The following PDZRN4 variants were observed in gnomAD, a reference collection of about 807,000 sequenced individuals.
PDZRN4 encodes PDZ domain containing ring finger 4.
PDZRN4 carries 70 observed loss-of-function variants against 99.0 expected under a neutral mutation model. That is an observed-to-expected ratio of 0.71 (90% confidence interval 0.58 to 0.86). PDZRN4 has a LOEUF of 0.86. PDZRN4 is among the 40% of genes least tolerant of loss of function. PDZRN4 has a pLI of 0.00. For synonymous variants in PDZRN4, 551 were observed against 501.6 expected (o/e 1.10, Z -1.32); for missense variants, 1,474 against 1,331.2 (o/e 1.11, Z -1.67).
At chr12:41,364,944 A>T (rs1404708990) in intron 3 of PDZRN4, among the ~76,000 whole-genome samples, 1 of 152,072 alleles carries the variant, frequency 6.6e-6, no homozygotes, top group Admixed American at 6.6e-5. Context: ...GGATGTTAAC[A>T]TGCATTTTCT....
chr12:41,409,605 T>G (rs1952378348), intron 3 of PDZRN4: 1 of 152,232 alleles, frequency 6.6e-6, no homozygotes, highest in Admixed American at 6.5e-5. Flanking sequence ...GAAAGTCTTC[T>G]TTGTATTCTC....
intron 3 of PDZRN4, among the ~76,000 whole-genome samples, chr12:41,223,967 C>A (rs1236838383): frequency 6.6e-6 from 1 of 152,222 alleles, no homozygotes; most frequent in Non-Finnish European, 1.5e-5. Flanking sequence ...CTAAAGAGGC[C>A]TCTGACCAGA....
At chr12:41,470,646 T>C (rs1275410534) in intron 3 of PDZRN4, among the ~76,000 whole-genome samples, 2 of 152,126 alleles carry the variant, frequency 1.3e-5, no homozygotes, top group Non-Finnish European at 2.9e-5. Context: ...TGCTATCTCT[T>C]CCCCCTCCCG....
intron 5 of PDZRN4, among the ~76,000 whole-genome samples, chr12:41,512,081 C>A (rs1231229420): frequency 6.6e-6 from 1 of 152,042 alleles, no homozygotes; most frequent in East Asian, 1.9e-4. Flanking sequence ...GACTTCAGCT[C>A]AGAAAGAGAT....
chr12:41,532,399 C>T (rs1175176184), intron 5 of PDZRN4, among the ~76,000 whole-genome samples: 1 of 152,078 alleles, frequency 6.6e-6, no homozygotes, highest in Non-Finnish European at 1.5e-5. Flanking sequence ...TATTCTTTGT[C>T]GTTTGGTAGT....
At chr12:41,484,571 A>ATTTAACAC (rs1188807246) in intron 3 of PDZRN4, among the ~76,000 whole-genome samples, 3 of 152,222 alleles carry the variant, frequency 2.0e-5, no homozygotes, top group African/African-American at 4.8e-5. Context: ...CATACAGGAT[A>ATTTAACAC]TTTAACACTT....
rs561583831 is a variant in PDZRN4, at chr12:41,391,433, C to T, written c.844-115023C>T. Among the ~76,000 whole-genome samples the T allele has an allele frequency of 9.5e-4, 144 of 152,272 alleles. 1 individual carries two copies. The highest frequency in any genetic ancestry group is 1.7e-3 in the Non-Finnish European group (119 of 68,024). On this transcript the variant is annotated intron_variant, in intron 3 of 9. Coordinates refer to ENST00000402685, the MANE Select transcript of PDZRN4 (RefSeq NM_001164595.2). ...CAATCTTAACAAGTCCTGCTCTCTC[C>T]AAGCTCACCGTATAACCAACACATG... is the stretch of plus-strand genomic sequence containing the variant.
chr12:41,551,753 A>G (rs1430454980), intron 5 of PDZRN4, among the ~76,000 whole-genome samples: 1 of 152,174 alleles, frequency 6.6e-6, no homozygotes, highest in East Asian at 1.9e-4. Flanking sequence ...TATATTCTAC[A>G]TCCAATAGGA....
chr12:41,226,119 G>A (rs1219483975), intron 3 of PDZRN4, among the ~76,000 whole-genome samples: 2 of 151,844 alleles, frequency 1.3e-5, no homozygotes, highest in Non-Finnish European at 2.9e-5. Flanking sequence ...AAATTGCCTG[G>A]AGAATGATGT....
intron 3 of PDZRN4, among the ~76,000 whole-genome samples, chr12:41,424,595 A>G (rs1181442621): frequency 6.6e-6 from 1 of 152,204 alleles, no homozygotes; most frequent in Non-Finnish European, 1.5e-5. Flanking sequence ...TATTTGCTTA[A>G]TACATGAACT....
chr12:41,314,715 G>A (rs1434233207), intron 3 of PDZRN4, among the ~76,000 whole-genome samples: 3 of 151,864 alleles, frequency 2.0e-5, no homozygotes, highest in Admixed American at 2.0e-4. Context: ...GGTTTTTCTT[G>A]TTTTGGTTAT....
At chr12:41,276,879 C>A (rs1283641608) in intron 3 of PDZRN4, among the ~76,000 whole-genome samples, 2 of 152,060 alleles carry the variant, frequency 1.3e-5, no homozygotes, top group Non-Finnish European at 2.9e-5. Context: ...CAGTATTTAC[C>A]ATTCTTAGAG....
chr12:41,239,609 C>T (rs137888801), intron 3 of PDZRN4, among the ~76,000 whole-genome samples: 2 of 152,100 alleles, frequency 1.3e-5, no homozygotes. Context: ...TGAGTACTAC[C>T]AGGTAAAAGG....
chr12:41,554,415 T>C (rs1479847622), intron 6 of PDZRN4, among the ~76,000 whole-genome samples: 1 of 152,182 alleles, frequency 6.6e-6, no homozygotes, highest in African/African-American at 2.4e-5. Flanking sequence ...TTGGAAGGAA[T>C]GTTTTCCTTT....
At chr12:41,190,500 CAA>C (rs1471163396) in intron 1 of PDZRN4, among the ~76,000 whole-genome samples, 1 of 152,162 alleles carries the variant, frequency 6.6e-6, no homozygotes, top group Non-Finnish European at 1.5e-5. Context: ...GTCCATGCAA[CAA>C]GTCAAGCTAT....
At chr12:41,207,012 ATACACTGTGT>A (rs1950855597) in intron 3 of PDZRN4, among the ~76,000 whole-genome samples, 1 of 151,940 alleles carries the variant, frequency 6.6e-6, no homozygotes. Context: ...TTTGGCCTAG[ATACACTGTGT>A]TACAAATCCT....
At chr12:41,525,157 G>A (rs145086913) in intron 5 of PDZRN4, among the ~76,000 whole-genome samples, 8 of 152,196 alleles carry the variant, frequency 5.3e-5, no homozygotes, top group Non-Finnish European at 1.0e-4. Flanking sequence ...TGAGTGGGCC[G>A]CTATTGCAAT....
intron 5 of PDZRN4, among the ~76,000 whole-genome samples, chr12:41,516,710 T>C (rs1938406459): frequency 6.6e-6 from 1 of 151,840 alleles, no homozygotes; most frequent in Non-Finnish European, 1.5e-5. Context: ...TCTGTTAGGG[T>C]ACCTATACAT....
Position 41,552,664 on chromosome 12 carries a change from G to A in PDZRN4, c.1212G>A (p.Glu404=). 1 of 1,613,292 alleles carries A rather than the reference G, an allele frequency of 6.2e-7. No individual in the cohort carries two copies. Among genetic ancestry groups the A allele is most frequent in the Non-Finnish European group, 8.5e-7 (1 of 1,179,330 alleles). ...GTGTGTTGTTCTTTCAGGAGGTCGA[G>A]TTGTGTCGTGTTAGCAGTCAAGAGA... ...RTEDFEYEEV[E]LCRVSSQEKL... is the part of the protein sequence containing the mutation. Residue 404 remains glutamate (E), a synonymous_variant, in exon 6 of 10, where the codon GAG becomes GAA. Coordinates refer to ENST00000402685, the MANE Select transcript of PDZRN4 (RefSeq NM_001164595.2).
Sources: allele counts gnomAD v4.1 joint callset (sites outside exome capture counted in the v4.1 genomes callset), GRCh38; gene constraint gnomAD v4.1.1; transcripts MANE v1.5; gene names NCBI Gene and HGNC (gene_info 2026-07-23, HGNC 2026-07-21).